The following GALP variants were observed in gnomAD, a reference collection of about 807,000 sequenced individuals.
GALP encodes galanin like peptide, also known as galanin-like peptide.
In GALP, 12 loss-of-function variants were observed where a neutral mutation model predicts 15.2. That is an observed-to-expected ratio of 0.79 (90% CI 0.51 to 1.28). The LOEUF (loss-of-function observed/expected upper bound fraction) is 1.28, where lower values mean the gene tolerates loss of function less well. GALP is among the 50% of genes most tolerant of loss of function. The probability of loss-of-function intolerance (pLI) is 0.00; values close to 1 mark genes in which losing one functional copy is unlikely to be tolerated. For missense variants in GALP, 161 were observed against 145.6 expected, an observed-to-expected ratio of 1.11 and a Z score of -0.55; for synonymous variants, 58 against 55.1, an observed-to-expected ratio of 1.05 and a Z score of -0.23.
chr19:56,184,239 A>G (rs902307225), intron 5 of GALP, among the ~76,000 whole-genome samples: 10 of 152,182 alleles, frequency 6.6e-5, no homozygotes, highest in Non-Finnish European at 1.2e-4. Flanking sequence ...TACAGGCATG[A>G]GCCACCACGC....
At chr19:56,179,409 G>T (rs1248009827) in intron 2 of GALP, among the ~76,000 whole-genome samples, 1 of 149,880 alleles carries the variant, frequency 6.7e-6, no homozygotes, top group African/African-American at 2.5e-5. Flanking sequence ...CCAGGTTCAC[G>T]CCATTCTCGT....
chr19:56,180,698 G>T, intron 3 of GALP, 64 bp downstream of exon 3: 1 of 1,364,520 alleles, frequency 7.3e-7, no homozygotes, highest in Non-Finnish European at 1.0e-6. Context: ...TGCAGGCAGT[G>T]AGTTTGTGGC....
At chr19:56,185,050 C>T (rs1260699042) in intron 5 of GALP, among the ~76,000 whole-genome samples, 165 bp from the exon 6 acceptor site, 1 of 152,050 alleles carries the variant, frequency 6.6e-6, no homozygotes, top group Non-Finnish European at 1.5e-5. Flanking sequence ...CCTGTAATCC[C>T]AGCACTTTGG....
intron 2 of GALP, among the ~76,000 whole-genome samples, chr19:56,178,518 C>CAAAA (rs1327459817): frequency 1.7e-5 from 1 of 57,398 alleles, no homozygotes; most frequent in Non-Finnish European, 3.2e-5. Flanking sequence ...CTAACAACAA[C>CAAAA]AACAAAAAAA....
intron 5 of GALP, among the ~76,000 whole-genome samples, chr19:56,184,546 C>T (rs1488019810): frequency 5.7e-5 from 8 of 141,200 alleles, no homozygotes; most frequent in East Asian, 4.4e-4. Flanking sequence ...TGCAGTGGCG[C>T]GATCTCGGCT....
chr19:56,176,957 AT>A, intron 1 of GALP, 112 bp from the exon 2 acceptor site: 1 of 591,618 alleles, frequency 1.7e-6, no homozygotes, highest in Non-Finnish European at 3.0e-6. Flanking sequence ...AATGTGCGCC[AT>A]TTTTGTATCT....
intron 3 of GALP, among the ~76,000 whole-genome samples, chr19:56,181,382 GTC>G (rs1347230930): frequency 2.3e-5 from 3 of 131,874 alleles, no homozygotes; most frequent in Non-Finnish European, 3.2e-5. Context: ...GCTATTCTTT[GTC>G]TCTCTCTCTC....
chr19:56,182,177 C>T lies in GALP; in HGVS notation c.142C>T (p.His48Tyr), dbSNP rs202229314. 2 of 1,613,354 alleles carry T rather than the reference C, an allele frequency of 1.2e-6. No individual in the cohort carries two copies. Among genetic ancestry groups the T allele is most frequent in the East Asian group, 2.2e-5 (1 of 44,878 alleles). The change falls in exon 4 of 6, where the codon CAC becomes TAC. Residue 48 changes from histidine (H) to tyrosine (Y), a missense_variant. Transcript: ENST00000357330. Reference sequence around the variant, plus strand: ...CTCTCTCCCTCCCTACCCAGTCCTCCACCTTCCCCAAATGGGTGACCAAGA... The same window carrying T: ...CTCTCTCCCTCCCTACCCAGTCCTCTACCTTCCCCAAATGGGTGACCAAGA... ...SAGYLLGPVL[H>Y]LPQMGDQDGK...
intron 5 of GALP, among the ~76,000 whole-genome samples, chr19:56,183,759 G>A (rs1381715434): frequency 4.6e-5 from 7 of 151,838 alleles, no homozygotes; most frequent in East Asian, 1.9e-4. Flanking sequence ...CACCATGTCC[G>A]GCTAATTTTT....
intron 3 of GALP, among the ~76,000 whole-genome samples, chr19:56,180,988 G>A (rs568815018): frequency 5.0e-5 from 7 of 139,588 alleles, no homozygotes; most frequent in Admixed American, 3.2e-4. Context: ...TGAATGGTGC[G>A]ATCTCAGCTC....
At chr19:56,178,353 C>T (rs2032501357) in intron 2 of GALP, among the ~76,000 whole-genome samples, 1 of 151,682 alleles carries the variant, frequency 6.6e-6, no homozygotes, top group South Asian at 2.1e-4. Context: ...GTCCGAGCTA[C>T]TTGGGAGGCT....
rs80223966 is a variant in GALP, at chr19:56,178,521, C to CAAAAAAAAA, written c.87+1339_87+1347dup. On this transcript the variant is annotated intron_variant, in intron 2 of 5. Transcript: ENST00000357330. ...AGAAAAGAAATGCTAACAACAACAA[C>CAAAAAAAAA]AAAAAAAAAAAAAAAAAAAAAGAGA... is the stretch of plus-strand genomic sequence containing the variant. Among the ~76,000 whole-genome samples the CAAAAAAAAA allele has an allele frequency of 3.1e-3, 262 of 85,682 alleles. 3 individuals are homozygous for CAAAAAAAAA. Among genetic ancestry groups the CAAAAAAAAA allele is most frequent in the Middle Eastern group, 6.8e-3 (1 of 148 alleles). The allele number at this position is 85,682 out of a possible 152,430, so 56.2% of individuals were successfully genotyped here. A position where few individuals can be genotyped will look rare whatever the true frequency, so the allele number is the denominator to read the frequency against.
At chr19:56,179,464 C>T (rs566951334) in intron 2 of GALP, among the ~76,000 whole-genome samples, 7 of 150,192 alleles carry the variant, frequency 4.7e-5, no homozygotes, top group African/African-American at 1.2e-4. Flanking sequence ...CCCGCCACCA[C>T]GCCCGGCTAT....
chr19:56,179,241 T>C (rs531599733), intron 2 of GALP, among the ~76,000 whole-genome samples: 37 of 151,876 alleles, frequency 2.4e-4, no homozygotes, highest in African/African-American at 8.9e-4. Flanking sequence ...GAGTCCCAGC[T>C]GTTCTTCTTA....
chr19:56,180,519 C>G, intron 2 of GALP, 67 bp from the exon 3 acceptor site: 1 of 1,357,742 alleles, frequency 7.4e-7, no homozygotes, highest in East Asian at 2.3e-5. Flanking sequence ...CCACATCACC[C>G]CGGACCTGTG....
At chr19:56,179,339 G>T (rs937613448) in intron 2 of GALP, among the ~76,000 whole-genome samples, 2 of 139,284 alleles carry the variant, frequency 1.4e-5, no homozygotes, top group Non-Finnish European at 3.0e-5. Context: ...ACGGAATTTC[G>T]CTCTGTGGCC....
chr19:56,181,570 G>A (rs772803136), intron 3 of GALP, among the ~76,000 whole-genome samples: 32 of 151,656 alleles, frequency 2.1e-4, no homozygotes, highest in Non-Finnish European at 4.4e-4. Flanking sequence ...ATGCCCCACC[G>A]GCTAATTTTG....
At position 56,185,427 on chromosome 19, in the gene GALP, C is replaced by G; in HGVS notation, c.*157C>G. 1 of 502,564 alleles carries G rather than the reference C, an allele frequency of 2.0e-6. No homozygotes were observed. Among genetic ancestry groups the G allele is most frequent in the Non-Finnish European group, 3.5e-6 (1 of 288,788 alleles). The allele number at this position is 502,564 out of a possible 1,614,324, so 31.1% of individuals were successfully genotyped here. A position where few individuals can be genotyped will look rare whatever the true frequency, so the allele number is the denominator to read the frequency against. ...GCATTTGAATTATTCTAAAAAATTT[C>G]TGGAGTTTCTTAGGTTTTATTGATT... On this transcript the variant is annotated 3_prime_UTR_variant, in exon 6 of 6. Coordinates refer to ENST00000357330, the MANE Select transcript of GALP (RefSeq NM_033106.4).
intron 5 of GALP, among the ~76,000 whole-genome samples, chr19:56,184,182 C>T (rs2032615720): frequency 6.6e-6 from 1 of 152,144 alleles, no homozygotes; most frequent in Non-Finnish European, 1.5e-5. Context: ...TATCCAACTC[C>T]TGATCTCAGG....
Sources: allele counts gnomAD v4.1 joint callset (sites outside exome capture counted in the v4.1 genomes callset), GRCh38; gene constraint gnomAD v4.1.1; transcripts MANE v1.5; gene names NCBI Gene and HGNC (gene_info 2026-07-23, HGNC 2026-07-21).